NEK10: variants seen among roughly 807,000 people sequenced by gnomAD.
The protein encoded by NEK10 is serine/threonine-protein kinase Nek10.
NEK10 carries 122 observed loss-of-function variants against 159.8 expected under a neutral mutation model. That is an observed-to-expected ratio of 0.76 (90% CI 0.66 to 0.89). The LOEUF is 0.89. NEK10 is among the 40% of genes least tolerant of loss of function. The pLI, the probability that NEK10 is intolerant of heterozygous loss-of-function variation, is 0.00. For synonymous variants in NEK10, 466 were observed against 457.1 expected, an observed-to-expected ratio of 1.02 and a Z score of -0.25; for missense variants, 1,342 against 1,323.1, an observed-to-expected ratio of 1.01 and a Z score of -0.22.
chr3:27,148,512 C>T (rs1023046938), intron 30 of NEK10, among the ~76,000 whole-genome samples: 1 of 152,158 alleles, frequency 6.6e-6, no homozygotes, highest in South Asian at 2.1e-4. Flanking sequence ...ATCCAGGTTT[C>T]TTCTTCTTAT....
chr3:27,228,204 C>T (rs1952836498), intron 23 of NEK10, among the ~76,000 whole-genome samples: 2 of 152,180 alleles, frequency 1.3e-5, no homozygotes, highest in Non-Finnish European at 2.9e-5. Context: ...ATTTTCACTT[C>T]CCAATTTACT....
At chr3:27,313,798 C>T (rs1306524548) in intron 7 of NEK10, among the ~76,000 whole-genome samples, 1 of 152,076 alleles carries the variant, frequency 6.6e-6, no homozygotes, top group Admixed American at 6.6e-5. Context: ...CTGCAACCTC[C>T]GCCCCCCAGG....
intron 31 of NEK10, among the ~76,000 whole-genome samples, chr3:27,139,301 C>T (rs1419685433): frequency 2.0e-5 from 3 of 152,164 alleles, no homozygotes; most frequent in Non-Finnish European, 4.4e-5. Flanking sequence ...TGTCTGAGAA[C>T]ATGAACCTTT....
chr3:27,236,902 G>C (rs1953978004), intron 23 of NEK10, among the ~76,000 whole-genome samples: 1 of 152,070 alleles, frequency 6.6e-6, no homozygotes, highest in Non-Finnish European at 1.5e-5. Flanking sequence ...TACTAGGGTG[G>C]GATCTTTTCC....
chr3:27,264,210 A>G (rs1017744213), intron 22 of NEK10, among the ~76,000 whole-genome samples: 1 of 152,202 alleles, frequency 6.6e-6, no homozygotes, highest in African/African-American at 2.4e-5. Flanking sequence ...GATAAACTCA[A>G]CCAAACTTTT....
intron 3 of NEK10, among the ~76,000 whole-genome samples, chr3:27,350,162 C>T (rs2047867853): frequency 6.6e-6 from 1 of 152,174 alleles, no homozygotes; most frequent in African/African-American, 2.4e-5. Flanking sequence ...GCCTTAATCA[C>T]AGGTTTCACT....
At chr3:27,352,343 C>A in intron 3 of NEK10, 122 bp downstream of exon 3, 2 of 708,478 alleles carry the variant, frequency 2.8e-6, no homozygotes, top group Non-Finnish European at 5.0e-6. Flanking sequence ...GAAGAAAGAG[C>A]AAAGATGTGA....
At chr3:27,198,790 G>A (rs968733714) in intron 25 of NEK10, among the ~76,000 whole-genome samples, 5 of 152,090 alleles carry the variant, frequency 3.3e-5, no homozygotes, top group Non-Finnish European at 7.4e-5. Flanking sequence ...ACAAGTTGGG[G>A]GCCAGGTGCG....
chr3:27,135,717 C>T lies in NEK10; in HGVS notation c.2971-3727G>A, dbSNP rs369661987. Among the ~76,000 whole-genome samples, 135 of 152,250 alleles carry T rather than the reference C, an allele frequency of 8.9e-4. 3 individuals are homozygous for T. In the South Asian group the frequency reaches 0.015, roughly 16 times the overall value. On this transcript the variant is annotated intron_variant, in intron 31 of 35. Transcript: ENST00000691995. ...GCATAAGAGGATATTTCCCTAAATGCTAAAACAGAATGTTCAAAGACTGTT... is the reference window on the plus strand; with the variant it reads ...GCATAAGAGGATATTTCCCTAAATGTTAAAACAGAATGTTCAAAGACTGTT...
At chr3:27,258,304 T>G (rs1956429068) in intron 22 of NEK10, among the ~76,000 whole-genome samples, 1 of 152,078 alleles carries the variant, frequency 6.6e-6, no homozygotes, top group South Asian at 2.1e-4. Context: ...TGTGCCATGT[T>G]GGTGTGCTGC....
At chr3:27,298,821 T>G (rs946298983) in intron 13 of NEK10, among the ~76,000 whole-genome samples, 3 of 152,188 alleles carry the variant, frequency 2.0e-5, no homozygotes, top group Non-Finnish European at 2.9e-5. Context: ...ATTTTGCCCC[T>G]GCCCTAGAGA....
At chr3:27,137,185 C>T (rs9820415) in intron 31 of NEK10, among the ~76,000 whole-genome samples, 214 of 152,212 alleles carry the variant, frequency 1.4e-3, no homozygotes, top group African/African-American at 4.9e-3. Context: ...TCTGGAAATA[C>T]ATTTTAAAAA....
intron 22 of NEK10, among the ~76,000 whole-genome samples, chr3:27,259,524 G>A (rs1353745850): frequency 6.6e-6 from 1 of 152,120 alleles, no homozygotes. Flanking sequence ...ACTTCAGATG[G>A]TTGTAGATAT....
chr3:27,290,363 T>C (rs543882), intron 19 of NEK10, among the ~76,000 whole-genome samples: 60,742 of 152,134 alleles, frequency 0.4, 15,818 homozygotes, highest in African/African-American at 0.75. Context: ...GAAAAGGATT[T>C]CTCATATATG....
intron 1 of NEK10, among the ~76,000 whole-genome samples, chr3:27,356,643 G>C (rs939858526): frequency 6.6e-6 from 1 of 152,152 alleles, no homozygotes; most frequent in African/African-American, 2.4e-5. Flanking sequence ...CCTGCTTGCT[G>C]TTCTTTTCCC....
At chr3:27,340,918 T>G (rs2047158191) in intron 5 of NEK10, among the ~76,000 whole-genome samples, 1 of 152,176 alleles carries the variant, frequency 6.6e-6, no homozygotes, top group Admixed American at 6.5e-5. Flanking sequence ...GCAGCACTGT[T>G]CACAAAAGCA....
intron 30 of NEK10, among the ~76,000 whole-genome samples, chr3:27,144,215 T>C (rs1193401280): frequency 6.6e-6 from 1 of 152,182 alleles, no homozygotes; most frequent in Non-Finnish European, 1.5e-5. Context: ...ACTTAGTCTA[T>C]CATGGAGATG....
rs2149462757 is a variant in NEK10, at chr3:27,284,967, T to C, written c.1790-6A>G. The stretch of plus-strand genomic sequence containing the variant: ...AACTATGTACAACCTATCATCTATA[T>C]AAATATCACAAAAGGTCACAGAAAT... On this transcript the variant is annotated splice_region_variant and splice_polypyrimidine_tract_variant and intron_variant, in intron 20 of 35. Coordinates refer to ENST00000691995, the MANE Select transcript of NEK10 (RefSeq NM_001394966.1). 2 of 1,578,674 alleles carry C rather than the reference T, an allele frequency of 1.3e-6. No homozygotes were observed. The highest frequency in any genetic ancestry group is 2.2e-5 in the East Asian group (1 of 44,742).
At chr3:27,132,653 G>T (rs1177591089) in intron 31 of NEK10, among the ~76,000 whole-genome samples, 2 of 152,102 alleles carry the variant, frequency 1.3e-5, no homozygotes, top group Non-Finnish European at 2.9e-5. Context: ...AAAATGATTT[G>T]TCATGCTTTG....
Sources: gnomAD v4.1 joint callset for allele counts (sites outside exome capture counted in the v4.1 genomes callset) on GRCh38, gnomAD v4.1.1 for gene constraint, MANE v1.5 for transcripts, NCBI Gene and HGNC (gene_info 2026-07-23, HGNC 2026-07-21) for gene names.